The following WDR70 variants were observed in gnomAD, a reference collection of about 807,000 sequenced individuals.
The protein encoded by WDR70 is WD repeat-containing protein 70.
WDR70 carries 53 observed loss-of-function variants against 88.6 expected under a neutral mutation model. That is an observed-to-expected ratio of 0.60 (90% CI 0.48 to 0.75). The LOEUF is 0.75. WDR70 is among the 30% of genes least tolerant of loss of function. The pLI, the probability that WDR70 is intolerant of heterozygous loss-of-function variation, is 0.00. For synonymous variants in WDR70, 280 were observed against 270.0 expected (o/e 1.04, Z -0.36); for missense variants, 610 against 823.2 (o/e 0.74, Z 3.17).
intron 8 of WDR70, among the ~76,000 whole-genome samples, chr5:37,515,463 C>A (rs1012930220): frequency 6.6e-6 from 1 of 152,194 alleles, no homozygotes. Flanking sequence ...GACTTGCCGT[C>A]TAGTCCTTCC....
chr5:37,726,144 G>GCCTGAAGTGCTATCTT (rs1231223349), intron 16 of WDR70, among the ~76,000 whole-genome samples: 6 of 152,238 alleles, frequency 3.9e-5, no homozygotes, highest in African/African-American at 1.2e-4. Flanking sequence ...AACCACCTGA[G>GCCTGAAGTGCTATCTT]CCTGAAGTGC....
chr5:37,715,149 A>T (rs976456514), intron 13 of WDR70, among the ~76,000 whole-genome samples: 1 of 152,150 alleles, frequency 6.6e-6, no homozygotes, highest in South Asian at 2.1e-4. Flanking sequence ...AAAATGCATA[A>T]TATATGCATC....
At chr5:37,681,857 G>A (rs1414450713) in intron 10 of WDR70, among the ~76,000 whole-genome samples, 1 of 152,028 alleles carries the variant, frequency 6.6e-6, no homozygotes, top group African/African-American at 2.4e-5. Context: ...TTTTTGCATT[G>A]ATGTTCATCA....
chr5:37,752,117 A>T (rs1464546339), intron 17 of WDR70, among the ~76,000 whole-genome samples: 1 of 152,202 alleles, frequency 6.6e-6, no homozygotes, highest in Non-Finnish European at 1.5e-5. Flanking sequence ...GATCATGTAG[A>T]TTCTTGCTTG....
At chr5:37,539,085 A>G (rs1052167079) in intron 9 of WDR70, among the ~76,000 whole-genome samples, 2 of 152,208 alleles carry the variant, frequency 1.3e-5, no homozygotes, top group African/African-American at 4.8e-5. Flanking sequence ...TTTCTATTAC[A>G]TACTCAGGAA....
intron 5 of WDR70, among the ~76,000 whole-genome samples, chr5:37,415,656 G>C (rs1299905277): frequency 3.4e-5 from 5 of 148,450 alleles, no homozygotes; most frequent in African/African-American, 5.0e-5. Context: ...CTGGCCGGGC[G>C]GGGGGCTGAC....
intron 7 of WDR70, chr5:37,479,595 T>C: frequency 3.0e-6 from 1 of 332,630 alleles, no homozygotes; most frequent in Non-Finnish European, 5.6e-6. Context: ...GATTTTGAAC[T>C]CCTGACCTCA....
chr5:37,539,805 C>T (rs931658198), intron 9 of WDR70, among the ~76,000 whole-genome samples: 1 of 152,142 alleles, frequency 6.6e-6, no homozygotes, highest in Non-Finnish European at 1.5e-5. Context: ...ATTTTTTCCC[C>T]AATAAGGATA....
At chr5:37,517,841 T>TA (rs143907470) in intron 9 of WDR70, among the ~76,000 whole-genome samples, 4 of 135,024 alleles carry the variant, frequency 3.0e-5, no homozygotes, top group Admixed American at 7.4e-5. Context: ...GTTATTTTAT[T>TA]TTTATTATAT....
intron 9 of WDR70, among the ~76,000 whole-genome samples, chr5:37,518,540 T>G (rs966135399): frequency 6.6e-6 from 1 of 152,182 alleles, no homozygotes; most frequent in Non-Finnish European, 1.5e-5. Flanking sequence ...GATCTCATTC[T>G]TTTTTCATGG....
chr5:37,481,183 A>T (rs1400929036), intron 8 of WDR70, among the ~76,000 whole-genome samples: 1 of 152,184 alleles, frequency 6.6e-6, no homozygotes, highest in Non-Finnish European at 1.5e-5. Flanking sequence ...CAGTGCAAGC[A>T]GTCAGTGGAT....
intron 9 of WDR70, among the ~76,000 whole-genome samples, chr5:37,569,139 A>G (rs981112075): frequency 6.6e-5 from 10 of 152,196 alleles, no homozygotes; most frequent in Admixed American, 1.3e-4. Context: ...CTGTCAGGCT[A>G]TTGCAGAATT....
rs560646095 is a variant in WDR70 at position 37,678,035 on chromosome 5, C to G, written c.1093-19620C>G. ...TTTGTTGGTTTAATGTCTGTTTTAT[C>G]AGAGACTAGGATTGCAACCCCTGCC... On this transcript the variant is annotated intron_variant, in intron 10 of 17. Coordinates refer to ENST00000265107, the MANE Select transcript of WDR70 (RefSeq NM_018034.4). Among the ~76,000 whole-genome samples the G allele has an allele frequency of 1.7e-3, 257 of 152,254 alleles. 2 individuals carry two copies. The highest frequency in any genetic ancestry group is 0.01 in the Middle Eastern group (3 of 294).
At chr5:37,397,712 C>T (rs1030413598) in intron 5 of WDR70, among the ~76,000 whole-genome samples, 2 of 152,046 alleles carry the variant, frequency 1.3e-5, no homozygotes, top group African/African-American at 2.4e-5. Flanking sequence ...AGTAATTGCC[C>T]GGCAGGGCAT....
chr5:37,688,776 A>G (rs1173527047), intron 10 of WDR70, among the ~76,000 whole-genome samples: 1 of 144,450 alleles, frequency 6.9e-6, no homozygotes, highest in African/African-American at 2.5e-5. Context: ...GACGCAGAAG[A>G]TAAGTGATTT....
intron 9 of WDR70, among the ~76,000 whole-genome samples, chr5:37,561,276 C>G (rs1742495456): frequency 6.6e-6 from 1 of 152,052 alleles, no homozygotes; most frequent in Non-Finnish European, 1.5e-5. Context: ...TATCCTCTAT[C>G]CTCTCTCTCA....
chr5:37,711,695 A>G (rs1398780059), intron 13 of WDR70, among the ~76,000 whole-genome samples: 1 of 152,156 alleles, frequency 6.6e-6, no homozygotes. Flanking sequence ...AGCCATTTCT[A>G]AACTCTCCAG....
In WDR70 at chr5:37,502,863, G is replaced by A. The variant is rs562784444; in HGVS notation, c.841-13651G>A. Among the ~76,000 whole-genome samples the A allele has an allele frequency of 3.3e-5, 5 of 152,272 alleles. No homozygotes were observed. In the East Asian group the frequency reaches 9.7e-4, roughly 29 times the overall value. Reference sequence around the variant, plus strand: ...ACTTTTAAATGACCAGATCTTGTGAGAACTCACTATCACAAAGACAGCACT... The same window carrying A: ...ACTTTTAAATGACCAGATCTTGTGAAAACTCACTATCACAAAGACAGCACT... On this transcript the variant is annotated intron_variant, in intron 8 of 17. Transcript: ENST00000265107.
chr5:37,457,870 G>C (rs999489005), intron 7 of WDR70, among the ~76,000 whole-genome samples: 1 of 151,972 alleles, frequency 6.6e-6, no homozygotes, highest in Non-Finnish European at 1.5e-5. Flanking sequence ...ATGTTGAATA[G>C]GAGCGGTGAG....
Sources: gnomAD v4.1 joint callset for allele counts (sites outside exome capture counted in the v4.1 genomes callset) on GRCh38, gnomAD v4.1.1 for gene constraint, MANE v1.5 for transcripts, NCBI Gene and HGNC (gene_info 2026-07-23, HGNC 2026-07-21) for gene names.